KIF4A: variants seen among roughly 807,000 people sequenced by gnomAD.
KIF4A encodes the protein kinesin family member 4A, also known as chromosome-associated kinesin KIF4A.
A neutral mutation model predicts 105.9 loss-of-function variants in KIF4A; 7 were observed. That is an observed-to-expected ratio of 0.07 (90% confidence interval 0.04 to 0.12). KIF4A has a LOEUF of 0.12. Ranked by LOEUF, KIF4A falls within the 10% of genes least tolerant of loss-of-function variation. The pLI, the probability that KIF4A is intolerant of heterozygous loss-of-function variation, is 1.00. For missense variants in KIF4A, 558 were observed against 929.2 expected, an observed-to-expected ratio of 0.60 and a Z score of 5.19; for synonymous variants, 281 against 331.3, an observed-to-expected ratio of 0.85 and a Z score of 1.65.
chrX:70,329,633 G>T lies in KIF4A; in HGVS notation c.895+112G>T, dbSNP rs2085922947. The T allele has an allele frequency of 2.3e-5, 13 of 557,669 alleles. No homozygotes were observed. The East Asian group carries it at 4.4e-4, about 19-fold the overall frequency. The allele number at this position is 557,669 out of a possible 1,213,427, so 46.0% of individuals were successfully genotyped here. A position where few individuals can be genotyped will look rare whatever the true frequency, so the allele number is the denominator to read the frequency against. On this transcript the variant is annotated intron_variant, in intron 8 of 30. Coordinates refer to ENST00000374403, the MANE Select transcript of KIF4A (RefSeq NM_012310.5). Reference sequence around the variant, plus strand: ...TATTTGGACTATGACATACACAGTTGTCTAATTGATAAATACGAGAGAGTG... The same window carrying T: ...TATTTGGACTATGACATACACAGTTTTCTAATTGATAAATACGAGAGAGTG...
At chrX:70,416,114 G>A (rs905553650) in intron 28 of KIF4A, among the ~76,000 whole-genome samples, 13 of 109,592 alleles carry the variant, frequency 1.2e-4, no homozygotes, top group Non-Finnish European at 2.5e-4. Context: ...TGATCTGCCC[G>A]CCTCGGCCTC....
At chrX:70,311,610 G>A (rs759334529) in intron 7 of KIF4A, among the ~76,000 whole-genome samples, 1 of 111,178 alleles carries the variant, frequency 9.0e-6, no homozygotes, top group South Asian at 3.7e-4. Flanking sequence ...AACAAATCAC[G>A]GACATATTGT....
chrX:70,298,025 C>T (rs774784322), intron 4 of KIF4A, among the ~76,000 whole-genome samples: 2 of 110,155 alleles, frequency 1.8e-5, no homozygotes, highest in East Asian at 2.9e-4. Context: ...AATCCCAGCA[C>T]TTTGGGAGGC....
intron 5 of KIF4A, among the ~76,000 whole-genome samples, chrX:70,300,070 C>T (rs1024036703): frequency 9.0e-6 from 1 of 111,539 alleles, no homozygotes; most frequent in Non-Finnish European, 1.9e-5. Context: ...GGAATAATAT[C>T]TTACTCCTGT....
intron 20 of KIF4A, among the ~76,000 whole-genome samples, chrX:70,395,425 A>G (rs1033796453): frequency 7.1e-5 from 8 of 112,220 alleles, no homozygotes; most frequent in African/African-American, 2.6e-4. Context: ...AACAGGGCAC[A>G]TAGAAATACT....
At chrX:70,387,144 TACC>T in intron 19 of KIF4A, 37 bp from the exon 20 acceptor site, 2 of 902,198 alleles carry the variant, frequency 2.2e-6, no homozygotes, top group South Asian at 2.3e-5. Flanking sequence ...TTTTTTTTTT[TACC>T]ATTCATTCAA....
intron 7 of KIF4A, among the ~76,000 whole-genome samples, chrX:70,313,873 A>G (rs2085859423): frequency 8.9e-6 from 1 of 112,495 alleles, no homozygotes; most frequent in South Asian, 3.7e-4. Context: ...CAGAGCTTCA[A>G]TTTCCTCATT....
intron 5 of KIF4A, among the ~76,000 whole-genome samples, chrX:70,299,579 G>A (rs920179219): frequency 9.0e-6 from 1 of 111,639 alleles, no homozygotes; most frequent in Non-Finnish European, 1.9e-5. Context: ...CACTAGCCAC[G>A]TATGAAGTGC....
At chrX:70,373,473 C>A (rs113052535) in intron 15 of KIF4A, among the ~76,000 whole-genome samples, 1 of 80,914 alleles carries the variant, frequency 1.2e-5, no homozygotes, top group African/African-American at 4.3e-5. Flanking sequence ...CACTTGAGCC[C>A]AGGAGTTCAA....
chrX:70,374,898 T>C (rs2086168779), intron 16 of KIF4A, among the ~76,000 whole-genome samples: 4 of 112,167 alleles, frequency 3.6e-5, no homozygotes. Flanking sequence ...ATAATAATCA[T>C]CAGAATTATT....
At chrX:70,312,695 C>T (rs1468758261) in intron 7 of KIF4A, among the ~76,000 whole-genome samples, 1 of 111,747 alleles carries the variant, frequency 8.9e-6, no homozygotes, top group African/African-American at 3.2e-5. Flanking sequence ...ACATACATAA[C>T]TATGTCTCAT....
intron 18 of KIF4A, among the ~76,000 whole-genome samples, chrX:70,384,566 CA>C (rs1162008663): frequency 9.2e-6 from 1 of 108,844 alleles, no homozygotes; most frequent in Non-Finnish European, 1.9e-5. Context: ...ACTAAAAATA[CA>C]AAAAAAATTA....
In KIF4A at chrX:70,396,064, C is replaced by T. The variant is rs199593826; in HGVS notation, c.2489+15C>T. ...ATGGAATTCAGGTAACAGGGACTAT[C>T]TCTAAGCCATTATAAAAATTTATGC... On this transcript the variant is annotated intron_variant, in intron 22 of 30. Coordinates refer to ENST00000374403, the MANE Select transcript of KIF4A (RefSeq NM_012310.5). 9.2e-7 allele frequency: 1 copy of T among 1,085,778 alleles called. No individual in the cohort carries two copies. Among genetic ancestry groups the T allele is most frequent in the East Asian group, 3.0e-5 (1 of 33,158 alleles). The allele number at this position is 1,085,778 out of a possible 1,213,427, so 89.5% of individuals were successfully genotyped here. A position where few individuals can be genotyped will look rare whatever the true frequency, so the allele number is the denominator to read the frequency against.
chrX:70,353,250 G>T (rs1229299297), intron 14 of KIF4A, among the ~76,000 whole-genome samples: 1 of 112,017 alleles, frequency 8.9e-6, no homozygotes, highest in Non-Finnish European at 1.9e-5. Context: ...TACTAGGTCA[G>T]GTACTAGAGG....
intron 29 of KIF4A, among the ~76,000 whole-genome samples, chrX:70,419,340 A>C (rs2086357393): frequency 8.9e-6 from 1 of 112,177 alleles, no homozygotes; most frequent in Non-Finnish European, 1.9e-5. Flanking sequence ...GGATGCTAAA[A>C]GAGATATTGC....
At chrX:70,306,766 C>G (rs1276500368) in intron 7 of KIF4A, among the ~76,000 whole-genome samples, 1 of 110,996 alleles carries the variant, frequency 9.0e-6, no homozygotes, top group African/African-American at 3.3e-5. Flanking sequence ...GTCTCAAACT[C>G]CTAACCTCAA....
At chrX:70,387,939 A>G (rs906606450) in intron 20 of KIF4A, among the ~76,000 whole-genome samples, 1 of 111,724 alleles carries the variant, frequency 9.0e-6, no homozygotes, top group African/African-American at 3.3e-5. Flanking sequence ...ACCATAATCA[A>G]GATAATGACA....
At chrX:70,326,277 G>A (rs2085910592) in intron 7 of KIF4A, among the ~76,000 whole-genome samples, 1 of 111,821 alleles carries the variant, frequency 8.9e-6, no homozygotes, top group Admixed American at 9.5e-5. Context: ...GCTGTCCTAT[G>A]CATTGTAGGA....
chrX:70,340,700 A>G (rs2085969293), intron 10 of KIF4A, among the ~76,000 whole-genome samples: 1 of 111,682 alleles, frequency 9.0e-6, no homozygotes, highest in Non-Finnish European at 1.9e-5. Context: ...GTGCCTTCTA[A>G]GATCTTCTAT....
Sources: allele counts gnomAD v4.1 joint callset (sites outside exome capture counted in the v4.1 genomes callset), GRCh38; gene constraint gnomAD v4.1.1; transcripts MANE v1.5; gene names NCBI Gene and HGNC (gene_info 2026-07-23, HGNC 2026-07-21).